BEGAIN: variants seen among roughly 807,000 people sequenced by gnomAD.
BEGAIN encodes the protein brain-enriched guanylate kinase-associated protein.
A neutral mutation model predicts 35.8 loss-of-function variants in BEGAIN; 19 were observed. The ratio of observed to expected loss-of-function variants is 0.53; its 90% CI spans 0.37 to 0.78. BEGAIN has a LOEUF of 0.78. Among genes scored for constraint, BEGAIN ranks in the 30% least tolerant of loss-of-function variants. The pLI is 0.00. For synonymous variants in BEGAIN, 462 were observed against 388.6 expected, an observed-to-expected ratio of 1.19 and a Z score of -2.22; for missense variants, 795 against 853.6, an observed-to-expected ratio of 0.93 and a Z score of 0.85.
chr14:100,541,143 C>T (rs1010449764), intron 5 of BEGAIN, among the ~76,000 whole-genome samples: 5 of 152,376 alleles, frequency 3.3e-5, no homozygotes, highest in Non-Finnish European at 4.4e-5. Flanking sequence ...CAGGCCCAGG[C>T]GGGCGCTGGC....
In BEGAIN at chr14:100,576,386, G is replaced by A. The variant is rs117540251; in HGVS notation, c.43-8447C>T. 2.8e-3 allele frequency among the ~76,000 whole-genome samples: 424 copies of A among 152,256 alleles called. 8 individuals carry two copies. The East Asian group carries it at 0.033, about 12-fold the overall frequency. Reference sequence around the variant, plus strand: ...CATGCACTGGGGACATAATGATGGCGCCGACCTCCTGGGGTTGCGCCCAAG... The same window carrying A: ...CATGCACTGGGGACATAATGATGGCACCGACCTCCTGGGGTTGCGCCCAAG... On this transcript the variant is annotated intron_variant, in intron 1 of 6. Transcript: ENST00000554140.
intron 1 of BEGAIN, among the ~76,000 whole-genome samples, chr14:100,571,751 C>T (rs530843312): frequency 6.6e-6 from 1 of 152,186 alleles, no homozygotes; most frequent in South Asian, 2.1e-4. Flanking sequence ...CAGCAGCCTC[C>T]CCTCGCTAGG....
chr14:100,556,321 G>T (rs978411778), intron 2 of BEGAIN, among the ~76,000 whole-genome samples: 1 of 143,924 alleles, frequency 6.9e-6, no homozygotes, highest in African/African-American at 2.7e-5. Context: ...ATCTTATCAG[G>T]CAGCCGCAGC....
chr14:100,579,646 A>G (rs921267788), intron 1 of BEGAIN, among the ~76,000 whole-genome samples: 1 of 152,162 alleles, frequency 6.6e-6, no homozygotes, highest in African/African-American at 2.4e-5. Flanking sequence ...TGCCTCCATC[A>G]GGTGCTGAGG....
intron 2 of BEGAIN, chr14:100,550,417 T>C (rs898363263): frequency 5.0e-6 from 2 of 399,020 alleles, no homozygotes; most frequent in Non-Finnish European, 8.8e-6. Context: ...ACAGGTATGT[T>C]ACCTGTCCCA....
At position 100,568,421 on chromosome 14, in the gene BEGAIN, A is replaced by G. The variant is rs746372856; in HGVS notation, c.43-482T>C. The G allele has an allele frequency of 1.5e-5, 19 of 1,278,938 alleles. No homozygotes were observed. The Admixed American group carries it at 4.4e-4, about 30-fold the overall frequency. 79.2% of individuals were successfully genotyped at this position (1,278,938 alleles called of 1,614,324 possible). On this transcript the variant is annotated intron_variant, in intron 1 of 6. Coordinates refer to ENST00000554140, the MANE Select transcript of BEGAIN (RefSeq NM_001385089.1). The surrounding 1 kb of genome is among the most constrained non-coding windows in gnomAD (Gnocchi z 7.5). ...AATGTTGGGGAATTCGGGGCCGTGC[A>G]GGATTGCAGAACCTGACACTCACAC...
intron 2 of BEGAIN, among the ~76,000 whole-genome samples, chr14:100,566,437 A>T (rs544482443): frequency 1.3e-5 from 2 of 152,186 alleles, no homozygotes; most frequent in Admixed American, 1.3e-4. Context: ...ACCGCAGGGA[A>T]CCCCCAGGCT....
At chr14:100,581,640 A>G (rs887787263) in intron 1 of BEGAIN, among the ~76,000 whole-genome samples, 3 of 152,252 alleles carry the variant, frequency 2.0e-5, no homozygotes, top group African/African-American at 7.2e-5. Flanking sequence ...GCAGGGTCTC[A>G]GAAAGGTGCA....
intron 2 of BEGAIN, among the ~76,000 whole-genome samples, chr14:100,561,064 G>A (rs575681733): frequency 2.0e-5 from 3 of 152,304 alleles, no homozygotes; most frequent in East Asian, 1.9e-4. Context: ...AGCCCCATGC[G>A]GGCCTGACAT....
intron 1 of BEGAIN, among the ~76,000 whole-genome samples, chr14:100,585,454 A>G (rs1183018073): frequency 7.4e-6 from 1 of 135,596 alleles, no homozygotes; most frequent in Non-Finnish European, 1.6e-5. Context: ...CCATCCATCC[A>G]TCCATTCATC....
rs181070170 is a variant in BEGAIN, at chr14:100,578,918, A to G, written c.42+8331T>C. Among the ~76,000 whole-genome samples, 13 of 149,162 alleles carry G rather than the reference A, an allele frequency of 8.7e-5. No homozygotes were observed. The East Asian group carries it at 2.4e-3, about 27-fold the overall frequency. On this transcript the variant is annotated intron_variant, in intron 1 of 6. Transcript: ENST00000554140. ...CTCTTGTTGCCCAGGCTGGATTACA[A>G]TGGCATGATCTCGGCTCACTGCAAC...
At chr14:100,569,204 A>C (rs559550905) in intron 1 of BEGAIN, 1,674 of 152,354 alleles carry the variant, frequency 0.011, 16 homozygotes, top group Non-Finnish European at 0.018. Context: ...GCCCTTCCGC[A>C]CCCGCGGGCT....
intron 1 of BEGAIN, among the ~76,000 whole-genome samples, chr14:100,574,066 A>G (rs1566980965): frequency 2.0e-5 from 3 of 152,070 alleles, no homozygotes; most frequent in Admixed American, 6.5e-5. Context: ...AAGGACGGAG[A>G]GCCGCCTGGG....
Position 100,546,493 on chromosome 14 carries a change from C to A in BEGAIN, c.233+8G>T. Reference sequence around the variant, plus strand: ...TCGCCCCGCCCCGGCCCTCGCCCCGCCCCTCACCTGCGCAGCTTCTCCGTG... The same window carrying A: ...TCGCCCCGCCCCGGCCCTCGCCCCGACCCTCACCTGCGCAGCTTCTCCGTG... On this transcript the variant is annotated splice_region_variant and intron_variant, in intron 3 of 6. Coordinates refer to ENST00000554140, the MANE Select transcript of BEGAIN (RefSeq NM_001385089.1). 6.7e-7 allele frequency: 1 copy of A among 1,485,776 alleles called. No homozygotes were observed. Among genetic ancestry groups the A allele is most frequent in the East Asian group, 2.7e-5 (1 of 36,456 alleles). 92.0% of individuals were successfully genotyped at this position (1,485,776 alleles called of 1,614,324 possible). A position where few individuals can be genotyped will look rare whatever the true frequency, so the allele number is the denominator to read the frequency against.
At position 100,546,763 on chromosome 14, in the gene BEGAIN, G is replaced by GGC. The variant is rs145452191; in HGVS notation, c.72-103_72-102dup. 5,746 of 746,094 alleles carry GGC rather than the reference G, an allele frequency of 7.7e-3. 51 individuals carry two copies. The highest frequency in any genetic ancestry group is 0.048 in the Admixed American group (1,021 of 21,280). The allele number at this position is 746,094 out of a possible 1,614,324, so 46.2% of individuals were successfully genotyped here. On this transcript the variant is annotated intron_variant, in intron 2 of 6. Coordinates refer to ENST00000554140, the MANE Select transcript of BEGAIN (RefSeq NM_001385089.1). ...CGTGCCGCACTAACACGCGAGTACC[G>GGC]GCGCGCGCGCGCGCGCGCACACACA...
In BEGAIN at chr14:100,538,241, C is replaced by T. The variant is rs762088795; in HGVS notation, c.1567G>A (p.Gly523Ser). Residue 523 changes from glycine (G) to serine (S), a missense_variant, in exon 7 of 7, where the codon GGC (glycine) becomes AGC (serine). Around this residue, in one of 3 missense-constraint regions of BEGAIN, gnomAD observed 664 missense variants for 647.7 expected, o/e 1.03. Coordinates refer to ENST00000554140, the MANE Select transcript of BEGAIN (RefSeq NM_001385089.1). ...CCGGGCAGTGGGTCAGCCGAGCGGC[C>T]GGGACTGAGGCTCAGGTCGCCGCCC... ...RAGGDLSLSP[G>S]RSADPLPGYA... is the part of the protein sequence containing the mutation. 7 of 1,570,230 alleles carry T rather than the reference C, an allele frequency of 4.5e-6. No homozygotes were observed. Among genetic ancestry groups the T allele is most frequent in the Admixed American group, 1.8e-5 (1 of 56,048 alleles).
At chr14:100,547,449 A>T (rs1198850408) in intron 2 of BEGAIN, 1 of 152,334 alleles carries the variant, frequency 6.6e-6, no homozygotes, top group African/African-American at 2.4e-5. Flanking sequence ...CTCAGGAAAC[A>T]GAGACCCACT....
intron 2 of BEGAIN, among the ~76,000 whole-genome samples, chr14:100,554,137 G>A (rs1047648376): frequency 2.6e-5 from 4 of 152,236 alleles, no homozygotes; most frequent in South Asian, 4.1e-4. Context: ...GGTGTCAGGA[G>A]GAAACCCTTT....
intron 1 of BEGAIN, among the ~76,000 whole-genome samples, chr14:100,570,368 G>A (rs1431335530): frequency 6.6e-6 from 1 of 152,216 alleles, no homozygotes; most frequent in Non-Finnish European, 1.5e-5. Flanking sequence ...GGAACAGGCA[G>A]CCCCTGCCCT....
Sources: gnomAD v4.1 joint callset for allele counts (sites outside exome capture counted in the v4.1 genomes callset) on GRCh38, gnomAD v4.1.1 for gene constraint, gnomAD v4.1.1 regional missense constraint, Gnocchi (gnomAD v3.1) non-coding constraint, MANE v1.5 for transcripts, NCBI Gene and HGNC (gene_info 2026-07-23, HGNC 2026-07-21) for gene names.